The following ERBIN variants were observed in gnomAD, a reference collection of about 807,000 sequenced individuals.
The protein encoded by ERBIN is erbb2 interacting protein.
A neutral mutation model predicts 158.4 loss-of-function variants in ERBIN; 60 were observed. That is an observed-to-expected ratio of 0.38 (90% CI 0.31 to 0.47). The LOEUF is 0.47. Among genes scored for constraint, ERBIN ranks in the 20% least tolerant of loss-of-function variants. The pLI, the probability that ERBIN is intolerant of heterozygous loss-of-function variation, is 0.99. For missense variants in ERBIN, 1,610 were observed against 1,648.0 expected, an observed-to-expected ratio of 0.98 and a Z score of 0.40; for synonymous variants, 594 against 557.2, an observed-to-expected ratio of 1.07 and a Z score of -0.93.
intron 7 of ERBIN, among the ~76,000 whole-genome samples, chr5:66,018,456 ATAT>A (rs1561379809): frequency 0.021 from 286 of 13,504 alleles, 37 homozygotes; most frequent in Middle Eastern, 0.077. Context: ...AATATATATT[ATAT>A]TATATAATAT....
At chr5:66,041,373 T>C (rs760060074) in intron 15 of ERBIN, among the ~76,000 whole-genome samples, 19 of 151,930 alleles carry the variant, frequency 1.3e-4, no homozygotes, top group African/African-American at 7.2e-5. Context: ...GTTGTAGTGT[T>C]GGGGTGGTGG....
At chr5:65,946,136 G>A (rs2150904322) in intron 1 of ERBIN, among the ~76,000 whole-genome samples, 1 of 152,188 alleles carries the variant, frequency 6.6e-6, no homozygotes, top group East Asian at 1.9e-4. Context: ...AGGCTGAGAT[G>A]GGCAGCTCAC....
intron 21 of ERBIN, among the ~76,000 whole-genome samples, chr5:66,069,886 A>G (rs569556105): frequency 6.6e-6 from 1 of 152,126 alleles, no homozygotes; most frequent in Admixed American, 6.5e-5. Flanking sequence ...TTCTGGTGTT[A>G]CAGAATAGGA....
chr5:66,022,129 T>C (rs1345144352), intron 8 of ERBIN, among the ~76,000 whole-genome samples: 4 of 152,108 alleles, frequency 2.6e-5, no homozygotes, highest in Non-Finnish European at 5.9e-5. Flanking sequence ...GCCCTGTGGG[T>C]ATTATATTAA....
At chr5:66,060,443 A>T (rs1760148252) in intron 21 of ERBIN, among the ~76,000 whole-genome samples, 1 of 151,986 alleles carries the variant, frequency 6.6e-6, no homozygotes. Flanking sequence ...CTTCTTTATT[A>T]GTCTTGCTAG....
intron 1 of ERBIN, among the ~76,000 whole-genome samples, chr5:65,960,763 C>T (rs1233657340): frequency 6.6e-6 from 1 of 152,154 alleles, no homozygotes; most frequent in Non-Finnish European, 1.5e-5. Flanking sequence ...GTTTAATCTT[C>T]CCTTAATTTA....
chr5:65,995,079 G>A (rs1752274053), intron 4 of ERBIN, among the ~76,000 whole-genome samples: 2 of 152,154 alleles, frequency 1.3e-5, no homozygotes, highest in Admixed American at 6.6e-5. Context: ...AAATGTTATA[G>A]CCTTGGCTTA....
At chr5:66,075,328 T>G in intron 23 of ERBIN, 98 bp downstream of exon 23, 1 of 967,146 alleles carries the variant, frequency 1.0e-6, no homozygotes, top group Non-Finnish European at 1.6e-6. Flanking sequence ...AATATTAACG[T>G]AGTTATTACC....
intron 1 of ERBIN, among the ~76,000 whole-genome samples, chr5:65,949,937 G>T (rs1746293941): frequency 6.6e-6 from 1 of 152,136 alleles, no homozygotes; most frequent in African/African-American, 2.4e-5. Flanking sequence ...CTCCCAAGGT[G>T]CTGGGATTAC....
At chr5:65,965,763 A>AT (rs1338183184) in intron 1 of ERBIN, among the ~76,000 whole-genome samples, 3 of 152,078 alleles carry the variant, frequency 2.0e-5, no homozygotes, top group Non-Finnish European at 4.4e-5. Flanking sequence ...TCTTCCTCTG[A>AT]TTCCTCTCCC....
intron 21 of ERBIN, among the ~76,000 whole-genome samples, chr5:66,056,192 G>C (rs1384487310): frequency 6.6e-6 from 1 of 152,162 alleles, no homozygotes; most frequent in Non-Finnish European, 1.5e-5. Context: ...GAAATGAAAT[G>C]TGAACTTTTA....
chr5:65,969,297 A>C (rs1490743913), intron 1 of ERBIN, among the ~76,000 whole-genome samples: 1 of 152,212 alleles, frequency 6.6e-6, no homozygotes, highest in Non-Finnish European at 1.5e-5. Flanking sequence ...CTTCAATAGA[A>C]AGGAAAAACT....
chr5:65,976,994 C>T (rs1468307591), intron 1 of ERBIN, among the ~76,000 whole-genome samples: 1 of 152,238 alleles, frequency 6.6e-6, no homozygotes, highest in Non-Finnish European at 1.5e-5. Flanking sequence ...CACAAAACCG[C>T]CATTGTCATC....
intron 1 of ERBIN, among the ~76,000 whole-genome samples, chr5:65,967,268 CTAAG>C (rs1748750461): frequency 6.6e-6 from 1 of 151,926 alleles, no homozygotes; most frequent in Non-Finnish European, 1.5e-5. Flanking sequence ...TTTACATAGC[CTAAG>C]TGTTTATAAA....
At chr5:66,061,731 C>T (rs1244789672) in intron 21 of ERBIN, among the ~76,000 whole-genome samples, 3 of 152,164 alleles carry the variant, frequency 2.0e-5, no homozygotes, top group Middle Eastern at 6.3e-3. Flanking sequence ...TCTTTTAGGG[C>T]AGGCCTGGTG....
intron 1 of ERBIN, among the ~76,000 whole-genome samples, chr5:65,960,658 C>A (rs535098007): frequency 6.6e-6 from 1 of 152,256 alleles, no homozygotes; most frequent in East Asian, 1.9e-4. Flanking sequence ...GCTACTCATG[C>A]AGATTGACAA....
At chr5:66,051,238 C>T (rs536048945) in intron 20 of ERBIN, among the ~76,000 whole-genome samples, 1 of 152,090 alleles carries the variant, frequency 6.6e-6, no homozygotes, top group Admixed American at 6.5e-5. Context: ...GCAACATAAA[C>T]AGCATATTTG....
rs768204257 is a variant in ERBIN, at chr5:66,054,436, A to G, written c.3118A>G (p.Thr1040Ala). The change falls in exon 21 of 26, where the codon ACT becomes GCT. Residue 1040 changes from threonine to alanine, a missense_variant. By Grantham distance (58) the Thr-to-Ala change is moderately conservative (BLOSUM62 0). Around this residue, in one of 2 missense-constraint regions of ERBIN, gnomAD observed 1,014 missense variants for 936.1 expected, o/e 1.08. Transcript: ENST00000284037. ...TAATCATAACAATGTTCGAGCTAAT[A>G]CTGCATACCATTTACATCAGAGACT... Reference protein sequence around the residue: ...FSNHNNVRANTAYHLHQRLGP... With the variant: ...FSNHNNVRANAAYHLHQRLGP... 29 of 1,614,076 alleles carry G rather than the reference A, an allele frequency of 1.8e-5. No homozygotes were observed. Among genetic ancestry groups the G allele is most frequent in the African/African-American group, 2.7e-5 (2 of 74,938 alleles).
At chr5:65,991,314 G>C (rs903551505) in intron 2 of ERBIN, among the ~76,000 whole-genome samples, 1 of 151,996 alleles carries the variant, frequency 6.6e-6, no homozygotes, top group Non-Finnish European at 1.5e-5. Flanking sequence ...TATTTATCTT[G>C]ATTACTGAAT....
Sources: allele counts gnomAD v4.1 joint callset (sites outside exome capture counted in the v4.1 genomes callset), GRCh38; gene constraint gnomAD v4.1.1; regional missense constraint gnomAD v4.1.1; transcripts MANE v1.5; gene names NCBI Gene and HGNC (gene_info 2026-07-23, HGNC 2026-07-21).